MYO16: variants seen among roughly 807,000 people sequenced by gnomAD.
MYO16 encodes the protein myosin XVI.
A neutral mutation model predicts 205.3 loss-of-function variants in MYO16; 94 were observed. That is an observed-to-expected ratio of 0.46 (90% CI 0.39 to 0.54). The LOEUF is 0.54. Among genes scored for constraint, MYO16 ranks in the 20% least tolerant of loss-of-function variants. MYO16 has a pLI of 0.00. For missense variants in MYO16, 2,315 were observed against 2,387.5 expected (o/e 0.97, Z 0.63); for synonymous variants, 988 against 954.0 (o/e 1.04, Z -0.66).
intron 6 of MYO16, among the ~76,000 whole-genome samples, chr13:108,798,447 C>A (rs146952819): frequency 1.3e-5 from 2 of 152,206 alleles, no homozygotes; most frequent in African/African-American, 4.8e-5. Context: ...TATAACATAT[C>A]TCTTTTTAAA....
chr13:108,585,467 C>G, the MYO16 span, among the ~76,000 whole-genome samples: 1 of 152,118 alleles, frequency 6.6e-6, no homozygotes, highest in African/African-American at 2.4e-5. Context: ...AGAGGGAGCT[C>G]TCAGCAGACC....
chr13:108,702,548 G>A (rs1362845736), intron 2 of MYO16, among the ~76,000 whole-genome samples: 2 of 151,960 alleles, frequency 1.3e-5, no homozygotes, highest in Non-Finnish European at 2.9e-5. Flanking sequence ...AATAGCAAAG[G>A]GAAACTTTCA....
intron 1 of MYO16, 59 bp downstream of exon 1, chr13:108,629,931 T>G (rs1383578825): frequency 6.9e-7 from 1 of 1,450,396 alleles, no homozygotes; most frequent in African/African-American, 1.4e-5. Context: ...TATTATTTTG[T>G]GCAGATGCCA....
intron 34 of MYO16, among the ~76,000 whole-genome samples, chr13:109,181,156 C>G (rs138067878): frequency 2.0e-5 from 3 of 152,256 alleles, no homozygotes; most frequent in Non-Finnish European, 4.4e-5. Context: ...CATCGGGAAT[C>G]ATTTTCCATT....
intron 5 of MYO16, 92 bp downstream of exon 5, chr13:108,785,835 G>A (rs561504840): frequency 1.6e-4 from 134 of 822,918 alleles, no homozygotes; most frequent in African/African-American, 7.2e-4. Flanking sequence ...CATGATTTCC[G>A]ATGGATGTAG....
At position 109,206,962 on chromosome 13, in the gene MYO16, C is replaced by A; in HGVS notation, c.*126C>A. 2 of 726,870 alleles carry A rather than the reference C, an allele frequency of 2.8e-6. No homozygotes were observed. Among genetic ancestry groups the A allele is most frequent in the Non-Finnish European group, 4.5e-6 (2 of 440,260 alleles). 45.0% of individuals were successfully genotyped at this position (726,870 alleles called of 1,614,324 possible). A position where few individuals can be genotyped will look rare whatever the true frequency, so the allele number is the denominator to read the frequency against. On this transcript the variant is annotated 3_prime_UTR_variant, in exon 35 of 35. Coordinates refer to ENST00000457511, the MANE Select transcript of MYO16 (RefSeq NM_001198950.3). ...GCATTTAGACAAAAAAAGCACAGGA[C>A]ACAGACACTAAATATATGAGATCCC...
chr13:108,778,068 G>A (rs997008926), intron 4 of MYO16, among the ~76,000 whole-genome samples: 33 of 152,188 alleles, frequency 2.2e-4, no homozygotes, highest in Non-Finnish European at 3.7e-4. Flanking sequence ...TTCTCTTGAT[G>A]AGTCAGCGGC....
At chr13:108,940,742 C>T (rs1882689638) in intron 16 of MYO16, among the ~76,000 whole-genome samples, 1 of 152,218 alleles carries the variant, frequency 6.6e-6, no homozygotes, top group African/African-American at 2.4e-5. Context: ...GCACCAGCTG[C>T]ACTGCCACAA....
Position 109,125,048 on chromosome 13 carries a change from GT to G in MYO16, c.3536-61del. 1.3e-6 allele frequency: 2 copies of G among 1,532,412 alleles called. No individual in the cohort carries two copies. Among genetic ancestry groups the G allele is most frequent in the Non-Finnish European group, 1.8e-6 (2 of 1,124,154 alleles). The allele number at this position is 1,532,412 out of a possible 1,614,324, so 94.9% of individuals were successfully genotyped here. A position where few individuals can be genotyped will look rare whatever the true frequency, so the allele number is the denominator to read the frequency against. On this transcript the variant is annotated intron_variant, in intron 29 of 34. Coordinates refer to ENST00000457511, the MANE Select transcript of MYO16 (RefSeq NM_001198950.3). The surrounding 1 kb of genome is among the most constrained non-coding windows in gnomAD (Gnocchi z 4.0). ...CAGAGATAAGTATATTATGATTTTT[GT>G]TTGTGCATGTCTGAGTTTTTCACTT...
chr13:109,165,754 A>G (rs1878629710), intron 33 of MYO16, among the ~76,000 whole-genome samples: 2 of 152,216 alleles, frequency 1.3e-5, no homozygotes, highest in Admixed American at 1.3e-4. Context: ...AGCTTGGCTC[A>G]TGGGGACATA....
chr13:109,162,355 T>C lies in MYO16; in HGVS notation c.5165-2546T>C, dbSNP rs530867549. Among the ~76,000 whole-genome samples, 15 of 152,326 alleles carry C rather than the reference T, an allele frequency of 9.8e-5. No individual in the cohort carries two copies. In the South Asian group the frequency reaches 1.2e-3, roughly 13 times the overall value. Reference sequence around the variant, plus strand: ...AGCCTTGGGGAAGCCCTCACTGCGCTGAGAATAAAACCTCTCAGTTCCTCT... The same window carrying C: ...AGCCTTGGGGAAGCCCTCACTGCGCCGAGAATAAAACCTCTCAGTTCCTCT... On this transcript the variant is annotated intron_variant, in intron 32 of 34. Coordinates refer to ENST00000457511, the MANE Select transcript of MYO16 (RefSeq NM_001198950.3). This position sits in a 1 kb window ranked among gnomAD's most constrained non-coding sequence, Gnocchi z 4.6.
intron 1 of MYO16, among the ~76,000 whole-genome samples, chr13:108,611,942 G>T (rs946094695): frequency 6.1e-5 from 9 of 148,366 alleles, no homozygotes; most frequent in African/African-American, 2.0e-4. Context: ...GAGCTAGATA[G>T]AAGGCAGGTA....
intron 4 of MYO16, among the ~76,000 whole-genome samples, chr13:108,782,058 C>A (rs1886321422): frequency 6.6e-6 from 1 of 152,082 alleles, no homozygotes; most frequent in South Asian, 2.1e-4. Flanking sequence ...TGAAAAGATA[C>A]CCAAAAATGT....
upstream of MYO16, among the ~76,000 whole-genome samples, chr13:108,591,187 A>G (rs1042273641): frequency 6.6e-6 from 1 of 152,200 alleles, no homozygotes; most frequent in South Asian, 2.1e-4. Flanking sequence ...GATCACCAGG[A>G]GAGTCCCAGG....
intron 4 of MYO16, among the ~76,000 whole-genome samples, chr13:108,737,186 G>A (rs149028209): frequency 6.6e-6 from 1 of 152,056 alleles, no homozygotes. Context: ...TGAATAGGAG[G>A]GGTGAGAGAG....
the MYO16 span, among the ~76,000 whole-genome samples, chr13:108,576,412 C>A: frequency 6.6e-6 from 1 of 152,118 alleles, no homozygotes; most frequent in African/African-American, 2.4e-5. Flanking sequence ...TACTGAGGAA[C>A]AACCAGCTGG....
chr13:109,087,305 A>G (rs1888462905), intron 27 of MYO16, among the ~76,000 whole-genome samples: 1 of 152,242 alleles, frequency 6.6e-6, no homozygotes, highest in Non-Finnish European at 1.5e-5. Context: ...TATCTGAAAT[A>G]GGCATAAACT....
At chr13:108,793,435 T>C (rs1218382960) in intron 5 of MYO16, 81 bp from the exon 6 acceptor site, 28 of 1,350,244 alleles carry the variant, frequency 2.1e-5, no homozygotes, top group Non-Finnish European at 2.8e-5. Flanking sequence ...ATTGAAAGAA[T>C]AGGTTATAAA....
chr13:108,899,305 C>T (rs1002460270), intron 15 of MYO16, among the ~76,000 whole-genome samples: 19 of 151,938 alleles, frequency 1.3e-4, no homozygotes, highest in Non-Finnish European at 1.6e-4. Flanking sequence ...TGCCTGTAAT[C>T]CCAGCTACTT....
Sources: gnomAD v4.1 joint callset for allele counts (sites outside exome capture counted in the v4.1 genomes callset) on GRCh38, gnomAD v4.1.1 for gene constraint, Gnocchi (gnomAD v3.1) non-coding constraint, MANE v1.5 for transcripts, NCBI Gene and HGNC (gene_info 2026-07-23, HGNC 2026-07-21) for gene names.